RARB: variants seen among roughly 807,000 people sequenced by gnomAD.
RARB encodes HBV-activated protein.
RARB carries 17 observed loss-of-function variants against 51.9 expected under a neutral mutation model. The observed-to-expected ratio is 0.33, with a 90% CI of 0.22 to 0.49. The LOEUF is 0.49. Ranked by LOEUF, RARB falls within the 20% of genes least tolerant of loss-of-function variation. The probability of loss-of-function intolerance (pLI) is 0.99; values close to 1 mark genes in which losing one functional copy is unlikely to be tolerated. For synonymous variants in RARB, 215 were observed against 195.4 expected (o/e 1.10, Z -0.84); for missense variants, 369 against 550.8 (o/e 0.67, Z 3.30).
intron 2 of RARB, among the ~76,000 whole-genome samples, chr3:25,031,384 C>A (rs1248397628): frequency 6.6e-6 from 1 of 152,166 alleles, no homozygotes; most frequent in Non-Finnish European, 1.5e-5. Flanking sequence ...TTGCCCTCTT[C>A]CTGGCCGGTA....
intron 5 of RARB, among the ~76,000 whole-genome samples, chr3:25,244,226 G>A (rs762993634): frequency 1.4e-5 from 2 of 147,122 alleles, no homozygotes; most frequent in Non-Finnish European, 3.0e-5. Flanking sequence ...CTGGCTAGCA[G>A]TCTATTTTTT....
intron 4 of RARB, among the ~76,000 whole-genome samples, chr3:25,578,994 T>G (rs1730230): frequency 0.085 from 12,983 of 152,254 alleles, 686 homozygotes; most frequent in East Asian, 0.12. Flanking sequence ...AATATCTTAA[T>G]ATGTATTCTA....
intron 2 of RARB, among the ~76,000 whole-genome samples, chr3:24,895,323 C>T (rs1703456606): frequency 6.6e-6 from 1 of 151,882 alleles, no homozygotes; most frequent in South Asian, 2.1e-4. Flanking sequence ...TTTATTAATC[C>T]CTAGCTCTGA....
chr3:24,985,007 G>C (rs997618693), intron 2 of RARB, among the ~76,000 whole-genome samples: 1 of 152,136 alleles, frequency 6.6e-6, no homozygotes, highest in Non-Finnish European at 1.5e-5. Context: ...TTGACTTTCA[G>C]AATTCAAAGA....
chr3:24,866,718 T>A, intron 2 of RARB, among the ~76,000 whole-genome samples: 1 of 152,176 alleles, frequency 6.6e-6, no homozygotes, highest in Non-Finnish European at 1.5e-5. Flanking sequence ...AACTGCCCAA[T>A]GAGTTCTTCT....
At chr3:25,078,177 TTTCTA>T (rs1483734042) in intron 3 of RARB, among the ~76,000 whole-genome samples, 1 of 152,160 alleles carries the variant, frequency 6.6e-6, no homozygotes, top group African/African-American at 2.4e-5. Context: ...GTTAGTGCTT[TTTCTA>T]TTCTAAGAAA....
chr3:24,890,857 AT>A (rs769345743), intron 2 of RARB, among the ~76,000 whole-genome samples: 19 of 151,840 alleles, frequency 1.3e-4, no homozygotes, highest in South Asian at 2.1e-4. Context: ...ATAAAAAAAA[AT>A]GCGGTTTGAG....
At chr3:25,191,932 G>A (rs777736021) in intron 5 of RARB, among the ~76,000 whole-genome samples, 7 of 152,102 alleles carry the variant, frequency 4.6e-5, no homozygotes, top group South Asian at 2.1e-4. Context: ...CAGACGAGGC[G>A]GGGGTGTGGA....
intron 3 of RARB, among the ~76,000 whole-genome samples, chr3:25,115,137 C>T (rs1276102771): frequency 6.6e-6 from 1 of 152,110 alleles, no homozygotes; most frequent in Non-Finnish European, 1.5e-5. Context: ...TCCTGATAGT[C>T]ACCACTGAGT....
intron 5 of RARB, among the ~76,000 whole-genome samples, chr3:25,381,471 C>T (rs1334605607): frequency 6.6e-6 from 1 of 152,102 alleles, no homozygotes; most frequent in African/African-American, 2.4e-5. Context: ...TATAATATAA[C>T]CTTTATACAA....
intron 4 of RARB, among the ~76,000 whole-genome samples, chr3:25,138,656 A>G (rs1700067355): frequency 6.6e-6 from 1 of 152,164 alleles, no homozygotes; most frequent in Non-Finnish European, 1.5e-5. Flanking sequence ...TCAGTTATCT[A>G]TAGAAATTGT....
intron 5 of RARB, among the ~76,000 whole-genome samples, chr3:25,206,684 C>G (rs1301992815): frequency 3.3e-5 from 5 of 152,118 alleles, no homozygotes; most frequent in African/African-American, 1.2e-4. Flanking sequence ...ATGAAACACA[C>G]AAAAATTATG....
intron 1 of RARB, among the ~76,000 whole-genome samples, chr3:25,444,522 T>A (rs1708842804): frequency 6.6e-6 from 1 of 152,210 alleles, no homozygotes; most frequent in South Asian, 2.1e-4. Flanking sequence ...TACAGATGTA[T>A]ACACTTCCAA....
intron 5 of RARB, among the ~76,000 whole-genome samples, chr3:25,326,182 C>T (rs1206575701): frequency 1.3e-5 from 2 of 152,202 alleles, no homozygotes; most frequent in African/African-American, 4.8e-5. Flanking sequence ...AAAGATATTG[C>T]TGTATATCTC....
chr3:25,593,786 T>G, intron 6 of RARB, 79 bp downstream of exon 6: 1 of 1,410,018 alleles, frequency 7.1e-7, no homozygotes, highest in Non-Finnish European at 9.8e-7. Flanking sequence ...ATTCCTCATT[T>G]CCCTTTTGGA....
chr3:25,310,141 C>T (rs902263764), intron 5 of RARB, among the ~76,000 whole-genome samples: 1 of 152,178 alleles, frequency 6.6e-6, no homozygotes, highest in Non-Finnish European at 1.5e-5. Flanking sequence ...ATTTGAAACC[C>T]TCCAGTGCTC....
chr3:25,137,557 T>C (rs552684558), intron 4 of RARB, among the ~76,000 whole-genome samples: 2 of 152,236 alleles, frequency 1.3e-5, no homozygotes, highest in East Asian at 3.9e-4. Context: ...AAAATTTTCT[T>C]ATTTTCCACA....
chr3:25,049,657 G>A (rs187711497), intron 2 of RARB, among the ~76,000 whole-genome samples: 5 of 152,102 alleles, frequency 3.3e-5, no homozygotes, highest in East Asian at 1.9e-4. Context: ...TCTGAATAGC[G>A]ATATAAAGAG....
intron 5 of RARB, among the ~76,000 whole-genome samples, chr3:25,361,819 C>T (rs1345136986): frequency 6.6e-6 from 1 of 152,210 alleles, no homozygotes; most frequent in Non-Finnish European, 1.5e-5. Flanking sequence ...GGCTGCAGAA[C>T]AGCAAAGATT....
Sources: allele counts gnomAD v4.1 joint callset (sites outside exome capture counted in the v4.1 genomes callset), GRCh38; gene constraint gnomAD v4.1.1; transcripts MANE v1.5; gene names NCBI Gene and HGNC (gene_info 2026-07-23, HGNC 2026-07-21).